The following SLC24A2 variants were observed in gnomAD, a reference collection of about 807,000 sequenced individuals.
SLC24A2 encodes sodium/potassium/calcium exchanger 2.
In SLC24A2, 36 loss-of-function variants were observed where a neutral mutation model predicts 62.0. That is an observed-to-expected ratio of 0.58 (90% CI 0.44 to 0.77). The LOEUF is 0.77. SLC24A2 is among the 30% of genes least tolerant of loss of function. The pLI, the probability that SLC24A2 is intolerant of heterozygous loss-of-function variation, is 0.00. For missense variants in SLC24A2, 846 were observed against 817.9 expected (o/e 1.03, Z -0.42); for synonymous variants, 358 against 294.0 (o/e 1.22, Z -2.23).
At chr9:20,216,715 T>C in the SLC24A2 span, among the ~76,000 whole-genome samples, 1 of 152,196 alleles carries the variant, frequency 6.6e-6, no homozygotes, top group Non-Finnish European at 1.5e-5. Context: ...CAGAAAGCTA[T>C]CTCAATTTTT....
At position 19,670,785 on chromosome 9, in the gene SLC24A2, T is replaced by C. The variant is rs576635524; in HGVS notation, c.931-48486A>G. On this transcript the variant is annotated intron_variant, in intron 2 of 10. Coordinates refer to ENST00000341998, the MANE Select transcript of SLC24A2 (RefSeq NM_020344.4). ...ATAATTGTTCCATGTGTCCCATAAG[T>C]TGCTGTCACTGCCTAGGTTACCAGG... 2.6e-5 allele frequency among the ~76,000 whole-genome samples: 4 copies of C among 152,300 alleles called. No individual in the cohort carries two copies. In the South Asian group the frequency reaches 8.3e-4, roughly 32 times the overall value.
At chr9:19,689,219 A>G (rs1252567523) in intron 2 of SLC24A2, among the ~76,000 whole-genome samples, 2 of 152,160 alleles carry the variant, frequency 1.3e-5, no homozygotes, top group Non-Finnish European at 2.9e-5. Flanking sequence ...CTCCTTAGCC[A>G]GTGCGCTTCT....
the SLC24A2 span, among the ~76,000 whole-genome samples, chr9:20,081,985 T>A: frequency 6.6e-6 from 1 of 152,178 alleles, no homozygotes; most frequent in Admixed American, 6.5e-5. Flanking sequence ...CCATCCCTCA[T>A]CACCTTTCAG....
chr9:20,079,624 A>G, the SLC24A2 span, among the ~76,000 whole-genome samples: 3 of 152,350 alleles, frequency 2.0e-5, no homozygotes, highest in Non-Finnish European at 4.4e-5. Context: ...CAGTATACAT[A>G]TATCTTCATG....
the SLC24A2 span, among the ~76,000 whole-genome samples, chr9:20,116,594 G>A: frequency 1.3e-5 from 2 of 152,038 alleles, no homozygotes; most frequent in African/African-American, 4.8e-5. Context: ...CAATGCTTCT[G>A]TCTTTCAATT....
chr9:19,824,795 A>G, the SLC24A2 span, among the ~76,000 whole-genome samples: 5 of 152,240 alleles, frequency 3.3e-5, no homozygotes, highest in African/African-American at 1.2e-4. Flanking sequence ...GATAGACTGG[A>G]TAAGGAAAAT....
chr9:19,562,004 A>G (rs1325991523), intron 7 of SLC24A2, among the ~76,000 whole-genome samples: 3 of 152,202 alleles, frequency 2.0e-5, no homozygotes, highest in Admixed American at 2.0e-4. Flanking sequence ...CCGAGAGGCC[A>G]AGAAACCATT....
rs115747315 is a variant in SLC24A2 at position 19,553,450 on chromosome 9, A to C, written c.1348-3182T>G. Among the ~76,000 whole-genome samples, 522 of 152,350 alleles carry C rather than the reference A, an allele frequency of 3.4e-3. 1 individual carries two copies. Among genetic ancestry groups the C allele is most frequent in the African/African-American group, 0.012 (497 of 41,578 alleles). The stretch of plus-strand genomic sequence containing the variant: ...AAATGGCTTTTGATATGAGGGCTTA[A>C]AATAGTTTGATATCTGCTGGGGTCT... On this transcript the variant is annotated intron_variant, in intron 7 of 10. Transcript: ENST00000341998.
the SLC24A2 span, among the ~76,000 whole-genome samples, chr9:20,291,284 A>G: frequency 1.3e-5 from 2 of 152,172 alleles, no homozygotes; most frequent in African/African-American, 4.8e-5. Flanking sequence ...CAAAGAGGAG[A>G]ACATGCTTCT....
chr9:20,306,663 C>CA, the SLC24A2 span, among the ~76,000 whole-genome samples: 1 of 152,160 alleles, frequency 6.6e-6, no homozygotes, highest in Non-Finnish European at 1.5e-5. Context: ...ATCACAGCTA[C>CA]ACCCCTTTAC....
the SLC24A2 span, among the ~76,000 whole-genome samples, chr9:20,208,371 G>A: frequency 6.6e-6 from 1 of 152,218 alleles, no homozygotes; most frequent in African/African-American, 2.4e-5. Flanking sequence ...AAGCAGCCCA[G>A]AGCTAAGCTT....
At position 19,722,262 on chromosome 9, in the gene SLC24A2, T is replaced by C. The variant is rs546052554; in HGVS notation, c.930+63675A>G. Among the ~76,000 whole-genome samples, 16 of 152,220 alleles carry C rather than the reference T, an allele frequency of 1.1e-4. No individual in the cohort carries two copies. In the South Asian group the frequency reaches 3.1e-3, roughly 30 times the overall value. ...GGAAATCAGATACCATCTTCAAGAG[T>C]GTTCTTTTGGAAAGTTTATGGGATT... On this transcript the variant is annotated intron_variant, in intron 2 of 10. Transcript: ENST00000341998.
At position 19,507,750 on chromosome 9, in the gene SLC24A2, C is replaced by G. The variant is rs1420868558; in HGVS notation, c.*8403G>C. 1 of 152,178 alleles carries G rather than the reference C, an allele frequency of 6.6e-6. No homozygotes were observed. Among genetic ancestry groups the G allele is most frequent in the African/African-American group, 2.4e-5 (1 of 41,440 alleles). The allele number at this position is 152,178 out of a possible 1,614,324, so 9.4% of individuals were successfully genotyped here. On this transcript the variant is annotated 3_prime_UTR_variant, in exon 11 of 11. Coordinates refer to ENST00000341998, the MANE Select transcript of SLC24A2 (RefSeq NM_020344.4). ...CAGTGAAAATTACGCATAATAAACA[C>G]AACACATACAAAATGACAGAAGTAA...
intron 8 of SLC24A2, among the ~76,000 whole-genome samples, chr9:19,543,071 T>G (rs1291775086): frequency 1.3e-5 from 2 of 151,664 alleles, no homozygotes; most frequent in African/African-American, 2.4e-5. Flanking sequence ...GGTTCTGGAC[T>G]TTGGTAGGCT....
chr9:20,271,943 A>G, the SLC24A2 span, among the ~76,000 whole-genome samples: 2 of 151,916 alleles, frequency 1.3e-5, no homozygotes, highest in Non-Finnish European at 1.5e-5. Context: ...GGAAAACATG[A>G]TCAGCCTGAG....
At chr9:19,576,765 C>T (rs941637538) in intron 6 of SLC24A2, among the ~76,000 whole-genome samples, 159 bp downstream of exon 6, 1 of 152,152 alleles carries the variant, frequency 6.6e-6, no homozygotes, top group Non-Finnish European at 1.5e-5. Flanking sequence ...CCTGTACACA[C>T]TAGGGCAAGA....
chr9:19,671,368 T>C (rs942765590), intron 2 of SLC24A2, among the ~76,000 whole-genome samples: 4 of 151,564 alleles, frequency 2.6e-5, no homozygotes, highest in Non-Finnish European at 4.4e-5. Flanking sequence ...TCACTGTTGG[T>C]GTATAGCAGA....
At chr9:19,569,426 C>A (rs1457522805) in intron 7 of SLC24A2, among the ~76,000 whole-genome samples, 1 of 152,124 alleles carries the variant, frequency 6.6e-6, no homozygotes, top group African/African-American at 2.4e-5. Context: ...GCCACTGCTC[C>A]CTCTAAATCT....
the SLC24A2 span, among the ~76,000 whole-genome samples, chr9:19,881,341 A>G: frequency 6.6e-6 from 1 of 152,158 alleles, no homozygotes; most frequent in Non-Finnish European, 1.5e-5. Context: ...TATCTAGAAG[A>G]AAGCAGAGAT....
Sources: gnomAD v4.1 joint callset for allele counts (sites outside exome capture counted in the v4.1 genomes callset) on GRCh38, gnomAD v4.1.1 for gene constraint, MANE v1.5 for transcripts, NCBI Gene and HGNC (gene_info 2026-07-23, HGNC 2026-07-21) for gene names.